DGKB: variants seen among roughly 807,000 people sequenced by gnomAD.
DGKB encodes 90 kDa diacylglycerol kinase.
In DGKB, 67 loss-of-function variants were observed where a neutral mutation model predicts 114.3. The ratio of observed to expected loss-of-function variants is 0.59; its 90% CI spans 0.48 to 0.72. DGKB has a LOEUF of 0.72. DGKB is among the 30% of genes least tolerant of loss of function. The pLI is 0.00. For missense variants in DGKB, 907 were observed against 975.2 expected (o/e 0.93, Z 0.93); for synonymous variants, 398 against 323.1 (o/e 1.23, Z -2.49).
intron 21 of DGKB, among the ~76,000 whole-genome samples, chr7:14,467,573 A>G (rs28555489): frequency 0.37 from 56,517 of 151,988 alleles, 10,919 homozygotes; most frequent in Admixed American, 0.48. Flanking sequence ...ATATCCCAAT[A>G]TGAAAACACT....
At chr7:14,349,981 G>A (rs1813150551) in intron 21 of DGKB, among the ~76,000 whole-genome samples, 1 of 152,128 alleles carries the variant, frequency 6.6e-6, no homozygotes, top group African/African-American at 2.4e-5. Context: ...CAAAGGTTCT[G>A]TAAACCTCAC....
intron 21 of DGKB, among the ~76,000 whole-genome samples, chr7:14,348,224 T>C (rs1193790016): frequency 6.6e-6 from 1 of 151,930 alleles, no homozygotes; most frequent in African/African-American, 2.4e-5. Flanking sequence ...AATTTTGTTA[T>C]TTCAAGAATG....
chr7:14,525,364 A>G (rs983640037), intron 20 of DGKB, among the ~76,000 whole-genome samples: 1 of 152,218 alleles, frequency 6.6e-6, no homozygotes, highest in Non-Finnish European at 1.5e-5. Flanking sequence ...CCTTAGTTGC[A>G]GATTAAAAAT....
intron 12 of DGKB, among the ~76,000 whole-genome samples, chr7:14,673,836 C>A (rs556251296): frequency 1.3e-5 from 2 of 152,000 alleles, no homozygotes; most frequent in South Asian, 2.1e-4. Context: ...CTCCCTCCTG[C>A]ACTATGCATT....
At chr7:14,842,529 G>A (rs560064918) in intron 1 of DGKB, among the ~76,000 whole-genome samples, 2 of 152,328 alleles carry the variant, frequency 1.3e-5, no homozygotes, top group South Asian at 4.1e-4. Context: ...GGGCAACCAT[G>A]GGTTTGGGGA....
intron 1 of DGKB, among the ~76,000 whole-genome samples, chr7:14,968,165 C>CT (rs900910766): frequency 2.0e-4 from 30 of 150,378 alleles, no homozygotes; most frequent in African/African-American, 5.1e-4. Flanking sequence ...TTGTTCTTGT[C>CT]TTTTTTTTCA....
At chr7:14,329,113 A>G (rs1809262580) in intron 23 of DGKB, among the ~76,000 whole-genome samples, 1 of 152,088 alleles carries the variant, frequency 6.6e-6, no homozygotes, top group African/African-American at 2.4e-5. Flanking sequence ...GAGTATATTC[A>G]TGGAAACTAA....
chr7:14,277,884 A>ACCAACAG lies in DGKB; in HGVS notation c.2122+60624_2122+60630dup, dbSNP rs1799266745. Among the ~76,000 whole-genome samples the ACCAACAG allele has an allele frequency of 5.3e-5, 8 of 152,274 alleles. No homozygotes were observed. In the South Asian group the frequency reaches 1.4e-3, roughly 28 times the overall value. On this transcript the variant is annotated intron_variant, in intron 23 of 25. Transcript: ENST00000402815. ...AAGGCTGCACTAATTTTCATTTCCC[A>ACCAACAG]CCAACAGTATACATGGGTTCCGTTT...
intron 23 of DGKB, among the ~76,000 whole-genome samples, chr7:14,259,428 T>TATAC (rs1181581771): frequency 1.3e-5 from 2 of 149,928 alleles, no homozygotes; most frequent in African/African-American, 5.0e-5. Context: ...TATATATATA[T>TATAC]GGTTTTGTTT....
Position 14,480,529 on chromosome 7 carries a change from C to A in DGKB, c.1771-2304G>T, listed in dbSNP as rs950831526. 2.0e-5 allele frequency among the ~76,000 whole-genome samples: 3 copies of A among 152,036 alleles called. No homozygotes were observed. The East Asian group carries it at 5.8e-4, about 29-fold the overall frequency. On this transcript the variant is annotated intron_variant, in intron 20 of 25. Transcript: ENST00000402815. ...TGCCAAAATCTGCAACACTATCCAG[C>A]AGCCATTTTTCAAGAGACACCAAAG...
chr7:14,816,643 CA>C (rs1844195961), intron 2 of DGKB: 1 of 152,050 alleles, frequency 6.6e-6, no homozygotes, highest in African/African-American at 2.4e-5. Flanking sequence ...AAAAAAATAG[CA>C]AAAACAATAC....
rs113890299 is a variant in DGKB, at chr7:14,925,559, C to T, written c.-188+49137G>A. On this transcript the variant is annotated intron_variant, in intron 1 of 4. Transcript: ENST00000437998. ...ATATGGTATGTCTTATTTAGGTCTT[C>T]TTTGATTTATTGCATCAAAAATTTT... Among the ~76,000 whole-genome samples the T allele has an allele frequency of 2.5e-4, 38 of 152,108 alleles. 2 individuals are homozygous for T. The highest frequency in any genetic ancestry group is 9.2e-4 in the African/African-American group (38 of 41,518).
At chr7:14,266,843 A>G (rs1383598017) in intron 23 of DGKB, among the ~76,000 whole-genome samples, 2 of 152,174 alleles carry the variant, frequency 1.3e-5, no homozygotes. Flanking sequence ...TCTGTAACCA[A>G]TTTCTTTGAT....
chr7:14,337,947 T>C (rs1467969781), intron 23 of DGKB, among the ~76,000 whole-genome samples: 2 of 152,184 alleles, frequency 1.3e-5, no homozygotes, highest in Non-Finnish European at 2.9e-5. Flanking sequence ...GTCTACTTTT[T>C]TTAGGTCTTT....
At chr7:14,478,639 G>T (rs1162730965) in intron 20 of DGKB, among the ~76,000 whole-genome samples, 1 of 152,000 alleles carries the variant, frequency 6.6e-6, no homozygotes, top group Admixed American at 6.6e-5. Flanking sequence ...CAGTACAGAG[G>T]CTCCTAATTA....
chr7:14,420,899 C>G (rs771095836), intron 21 of DGKB, among the ~76,000 whole-genome samples: 1 of 152,048 alleles, frequency 6.6e-6, no homozygotes, highest in Admixed American at 6.6e-5. Context: ...GAAAACCCCA[C>G]CTCTCCATGC....
intron 20 of DGKB, among the ~76,000 whole-genome samples, chr7:14,548,328 A>G (rs1299693798): frequency 6.6e-6 from 1 of 152,224 alleles, no homozygotes; most frequent in Non-Finnish European, 1.5e-5. Context: ...AACAATGTGT[A>G]AAATGTGATT....
chr7:14,752,057 C>CA (rs1261605889), intron 4 of DGKB, among the ~76,000 whole-genome samples: 2 of 152,066 alleles, frequency 1.3e-5, no homozygotes, highest in Non-Finnish European at 2.9e-5. Flanking sequence ...TATAAGTGAA[C>CA]AAACTAAAGA....
intron 23 of DGKB, among the ~76,000 whole-genome samples, chr7:14,254,670 AATT>A (rs1326356359): frequency 1.3e-5 from 2 of 152,072 alleles, no homozygotes; most frequent in African/African-American, 4.8e-5. Context: ...TATATATTTC[AATT>A]ATTATTTCTA....
Sources: gnomAD v4.1 joint callset for allele counts (sites outside exome capture counted in the v4.1 genomes callset) on GRCh38, gnomAD v4.1.1 for gene constraint, MANE v1.5 for transcripts, NCBI Gene and HGNC (gene_info 2026-07-23, HGNC 2026-07-21) for gene names.